Variants in SH3GLB2 observed in about 807,000 individuals in gnomAD.
SH3GLB2 encodes the protein SH3 domain containing GRB2 like, endophilin B2, also known as endophilin-B2.
In SH3GLB2, 24 loss-of-function variants were observed where a neutral mutation model predicts 48.0. The observed-to-expected ratio is 0.50, with a 90% CI of 0.36 to 0.70. SH3GLB2 has a LOEUF of 0.70. Among genes scored for constraint, SH3GLB2 ranks in the 30% least tolerant of loss-of-function variants. The pLI is 0.00. For missense variants in SH3GLB2, 425 were observed against 516.0 expected (o/e 0.82, Z 1.71); for synonymous variants, 227 against 207.6 (o/e 1.09, Z -0.80).
chr9:129,022,086 C>T (rs375207261), intron 2 of SH3GLB2, among the ~76,000 whole-genome samples, 196 bp downstream of exon 2: 5 of 152,118 alleles, frequency 3.3e-5, no homozygotes, highest in African/African-American at 1.2e-4. Flanking sequence ...TTTCCACTGC[C>T]CTGGAGTGTC....
rs755370051 is a variant in SH3GLB2, at chr9:129,009,813, T to C, written c.797A>G (p.Gln266Arg). The change falls in exon 9 of 11, where the codon CAG becomes CGG. Residue 266 changes from glutamine (Q) to arginine (R), a missense_variant. Coordinates refer to ENST00000372564, the MANE Select transcript of SH3GLB2 (RefSeq NM_020145.4). ...FVKSQTTYYA[Q>R]CYRHMLDLQK... ...CAAGTCCAGCATGTGGCGGTAGCAC[T>C]GTGCGTAGTAGGTTGTCTGAGACTT... 6.2e-6 allele frequency: 10 copies of C among 1,614,024 alleles called. No individual in the cohort carries two copies. Among genetic ancestry groups the C allele is most frequent in the East Asian group, 2.2e-5 (1 of 44,872 alleles).
intron 5 of SH3GLB2, chr9:129,013,999 T>C (rs1486947592): frequency 4.3e-6 from 2 of 464,682 alleles, no homozygotes; most frequent in Admixed American, 4.7e-5. Flanking sequence ...TTCCACACCA[T>C]CGTGGGGGCG....
At chr9:129,010,365 C>A in intron 7 of SH3GLB2, 156 bp from the exon 8 acceptor site, 1 of 674,640 alleles carries the variant, frequency 1.5e-6, no homozygotes, top group Non-Finnish European at 2.6e-6. Flanking sequence ...GGAGCCCCAA[C>A]CCCAGAGAAG....
rs748726227 is a variant in SH3GLB2 at position 129,010,100 on chromosome 9, G to C, written c.738+20C>G. The stretch of plus-strand genomic sequence containing the variant: ...GCCTGCTGAGGGTTAGGTTTAGTGA[G>C]GGTGGGCAGTGGGACTCACGTGAGT... On this transcript the variant is annotated intron_variant, in intron 8 of 10. Transcript: ENST00000372564. 2.5e-6 allele frequency: 4 copies of C among 1,606,454 alleles called. No individual in the cohort carries two copies.
At chr9:129,008,917 C>T (rs1026453355) in intron 10 of SH3GLB2, 126 bp from the exon 11 acceptor site, 96 of 1,260,250 alleles carry the variant, frequency 7.6e-5, no homozygotes, top group African/African-American at 1.5e-4. Context: ...CAGTGGCTGG[C>T]GCTCATCTCA....
chr9:129,009,194 G>A lies in SH3GLB2; in HGVS notation c.992C>T (p.Ala331Val). Residue 331 changes from alanine (A) to valine (V), a missense_variant, in exon 10 of 11, where the codon GCC becomes GTC. By Grantham distance (64) the Ala-to-Val change is moderately conservative (BLOSUM62 0). Coordinates refer to ENST00000372564, the MANE Select transcript of SH3GLB2 (RefSeq NM_020145.4). ...GEASLCLEEV[A>V]PPASGTRKAR... ...TTTGCGGGTCCCACTGGCAGGGGGG[G>A]CCACCTCTTCCAGGCAGAGCGAGGC... 1.9e-6 allele frequency: 3 copies of A among 1,610,670 alleles called. No individual in the cohort carries two copies. The highest frequency in any genetic ancestry group is 2.5e-6 in the Non-Finnish European group (3 of 1,179,106).
chr9:129,012,288 T>A lies in SH3GLB2; in HGVS notation c.572A>T (p.Asp191Val). The part of the protein sequence containing the change: ...AAEAKATTVP[D>V]FQETRPRNYI... ...ATTACGAGGTCTAGTCTCCTGAAAG[T>A]CAGGCACCGTCTGGCGGGGAACAGA... is the stretch of plus-strand genomic sequence containing the variant. The change falls in exon 6 of 11, where the codon GAC becomes GTC. Residue 191 changes from aspartate to valine, a missense_variant. By Grantham distance (152) the Asp-to-Val change is radical (BLOSUM62 -3). Coordinates refer to ENST00000372564, the MANE Select transcript of SH3GLB2 (RefSeq NM_020145.4). The A allele has an allele frequency of 7.7e-7, 1 of 1,303,942 alleles. No individual in the cohort carries two copies. The highest frequency in any genetic ancestry group is 9.8e-7 in the Non-Finnish European group (1 of 1,019,080). The allele number at this position is 1,303,942 out of a possible 1,614,324, so 80.8% of individuals were successfully genotyped here.
chr9:129,023,265 G>T (rs1843933846), intron 1 of SH3GLB2, among the ~76,000 whole-genome samples: 1 of 152,144 alleles, frequency 6.6e-6, no homozygotes. Flanking sequence ...CCAGCGGCTG[G>T]GCACACCCAG....
intron 1 of SH3GLB2, among the ~76,000 whole-genome samples, 192 bp downstream of exon 1, chr9:129,027,900 G>A (rs1235980270): frequency 1.3e-5 from 2 of 152,218 alleles, no homozygotes; most frequent in African/African-American, 4.8e-5. Context: ...CAGGGCCAAG[G>A]CCCGGCTCGG....
intron 1 of SH3GLB2, 91 bp downstream of exon 1, chr9:129,028,001 G>C (rs2131315327): frequency 8.0e-7 from 1 of 1,252,470 alleles, no homozygotes; most frequent in African/African-American, 1.6e-5. Context: ...GCCCGGGAGG[G>C]CTTTCCCGCG....
rs900444684 is a variant in SH3GLB2, at chr9:129,010,107, C to T, written c.738+13G>A. ...GAGGGTTAGGTTTAGTGAGGGTGGG[C>T]AGTGGGACTCACGTGAGTGCTACTG... On this transcript the variant is annotated intron_variant, in intron 8 of 10. Transcript: ENST00000372564. The T allele has an allele frequency of 1.3e-5, 21 of 1,610,248 alleles. No individual in the cohort carries two copies. The highest frequency in any genetic ancestry group is 1.7e-5 in the Non-Finnish European group (20 of 1,176,674).
chr9:129,014,727 A>T lies in SH3GLB2; in HGVS notation c.468+44T>A, dbSNP rs1242255845. The T allele has an allele frequency of 6.3e-7, 1 of 1,595,168 alleles. No homozygotes were observed. The highest frequency in any genetic ancestry group is 2.2e-5 in the East Asian group (1 of 44,728). On this transcript the variant is annotated intron_variant, in intron 4 of 10. Transcript: ENST00000372564. The surrounding 1 kb of genome is among the most constrained non-coding windows in gnomAD (Gnocchi z 4.1). ...TGTACTCAAAGGCTCTGAGGAGGGA[A>T]CTGCCATGGTTACCAGGAAGCGGAA...
intron 1 of SH3GLB2, among the ~76,000 whole-genome samples, chr9:129,026,826 C>T (rs1319370434): frequency 6.6e-6 from 1 of 152,208 alleles, no homozygotes; most frequent in East Asian, 1.9e-4. Flanking sequence ...CTCTGGGATC[C>T]TGGCATCTCC....
At chr9:129,018,964 A>G (rs1843617733) in intron 3 of SH3GLB2, among the ~76,000 whole-genome samples, 1 of 152,024 alleles carries the variant, frequency 6.6e-6, no homozygotes, top group African/African-American at 2.4e-5. Flanking sequence ...GATTCCATTT[A>G]TATAAAATGT....
Position 129,014,836 on chromosome 9 carries a change from T to C in SH3GLB2, c.403A>G (p.Thr135Ala). ...GGTGTGAGGAAGCTGATGGAGGCCGTGTGGATAAAATCCCTCTCCGCGGCT... is the reference window on the plus strand; with the variant it reads ...GGTGTGAGGAAGCTGATGGAGGCCGCGTGGATAAAATCCCTCTCCGCGGCT... ...LGAAERDFIH[T>A]ASISFLTPLR... Residue 135 changes from threonine (T) to alanine (A), a missense_variant, in exon 4 of 11, where the codon ACG becomes GCG. Thr to Ala is a moderately conservative substitution (Grantham distance 58). Transcript: ENST00000372564. This position sits in a 1 kb window ranked among gnomAD's most constrained non-coding sequence, Gnocchi z 4.1. 6.2e-7 allele frequency: 1 copy of C among 1,613,960 alleles called. No individual in the cohort carries two copies. The highest frequency in any genetic ancestry group is 1.1e-5 in the South Asian group (1 of 91,074).
chr9:129,009,701 C>G, intron 9 of SH3GLB2, 70 bp downstream of exon 9: 1 of 1,470,592 alleles, frequency 6.8e-7, no homozygotes. Context: ...CCCAGAGGAG[C>G]TCATGCTGCC....
chr9:129,009,037 C>T, intron 10 of SH3GLB2, 69 bp downstream of exon 10: 1 of 1,592,744 alleles, frequency 6.3e-7, no homozygotes, highest in South Asian at 1.1e-5. Flanking sequence ...GCCCCATGTG[C>T]CTGATCCCAG....
intron 6 of SH3GLB2, 110 bp downstream of exon 6, chr9:129,012,126 G>A: frequency 1.7e-6 from 1 of 604,146 alleles, no homozygotes; most frequent in Non-Finnish European, 2.4e-6. Context: ...ACATGGCAGT[G>A]CCCCCGCCTT....
At chr9:129,015,726 G>A (rs187813840) in intron 3 of SH3GLB2, 137 of 182,536 alleles carry the variant, frequency 7.5e-4, no homozygotes, top group African/African-American at 2.9e-3. Flanking sequence ...GAGGCTGGGC[G>A]CGCTGGCTCA....
Sources: allele counts gnomAD v4.1 joint callset (sites outside exome capture counted in the v4.1 genomes callset), GRCh38; gene constraint gnomAD v4.1.1; non-coding constraint Gnocchi (gnomAD v3.1); transcripts MANE v1.5; gene names NCBI Gene and HGNC (gene_info 2026-07-23, HGNC 2026-07-21).